CNTN1: variants seen among roughly 807,000 people sequenced by gnomAD.
The protein encoded by CNTN1 is contactin 1.
In CNTN1, 38 loss-of-function variants were observed where a neutral mutation model predicts 126.4. The observed-to-expected ratio is 0.30, with a 90% CI of 0.23 to 0.39. CNTN1 has a LOEUF of 0.39. Among genes scored for constraint, CNTN1 ranks in the 10% least tolerant of loss-of-function variants. The pLI is 1.00. For missense variants in CNTN1, 1,009 were observed against 1,248.4 expected (o/e 0.81, Z 2.89); for synonymous variants, 413 against 422.6 (o/e 0.98, Z 0.28).
chr12:40,824,291 C>G (rs539798907), intron 1 of CNTN1, among the ~76,000 whole-genome samples: 11 of 152,202 alleles, frequency 7.2e-5, no homozygotes, highest in African/African-American at 2.6e-4. Flanking sequence ...CAAAGCTTAT[C>G]ATGTAATGTC....
intron 7 of CNTN1, among the ~76,000 whole-genome samples, chr12:40,931,278 T>C (rs1411141558): frequency 6.6e-6 from 1 of 152,004 alleles, no homozygotes; most frequent in Non-Finnish European, 1.5e-5. Flanking sequence ...ACACTGCCTC[T>C]TCTGCCTTTC....
intron 7 of CNTN1, among the ~76,000 whole-genome samples, chr12:40,931,894 T>C (rs1189877396): frequency 1.3e-5 from 2 of 151,978 alleles, no homozygotes; most frequent in South Asian, 4.1e-4. Context: ...GGAGCCGTCC[T>C]GTTGATTCTG....
intron 17 of CNTN1, among the ~76,000 whole-genome samples, chr12:41,001,155 G>T (rs1948351380): frequency 6.6e-6 from 1 of 152,122 alleles, no homozygotes. Flanking sequence ...TCAGTAATTG[G>T]ATTGCTAGGT....
intron 23 of CNTN1, among the ~76,000 whole-genome samples, chr12:41,059,890 G>A (rs1210340146): frequency 6.6e-6 from 1 of 152,032 alleles, no homozygotes; most frequent in African/African-American, 2.4e-5. Context: ...GCTGGGAATG[G>A]TCATGCATGT....
chr12:40,911,127 C>G (rs1164455760), intron 3 of CNTN1, among the ~76,000 whole-genome samples: 1 of 152,134 alleles, frequency 6.6e-6, no homozygotes, highest in African/African-American at 2.4e-5. Flanking sequence ...GTCACCCAGG[C>G]TGGAGTGCAG....
intron 1 of CNTN1, among the ~76,000 whole-genome samples, chr12:40,823,056 A>T (rs555371341): frequency 3.9e-5 from 6 of 152,220 alleles, no homozygotes; most frequent in African/African-American, 1.4e-4. Context: ...ATTTAAACAC[A>T]TATATGTATG....
At chr12:40,911,415 A>G (rs1251520321) in intron 3 of CNTN1, among the ~76,000 whole-genome samples, 2 of 152,192 alleles carry the variant, frequency 1.3e-5, no homozygotes, top group African/African-American at 4.8e-5. Flanking sequence ...CAGCAAAAGA[A>G]AAATGGGGAA....
At chr12:40,755,003 C>T (rs1938543438) in intron 1 of CNTN1, among the ~76,000 whole-genome samples, 1 of 151,674 alleles carries the variant, frequency 6.6e-6, no homozygotes, top group Admixed American at 6.6e-5. Context: ...TCAGCCTGGA[C>T]AACATAGTGA....
intron 1 of CNTN1, among the ~76,000 whole-genome samples, chr12:40,784,887 C>T (rs909285826): frequency 4.6e-5 from 7 of 152,100 alleles, no homozygotes; most frequent in East Asian, 1.9e-4. Flanking sequence ...AATTCACCTG[C>T]GTGGTCCAAC....
At chr12:40,715,419 A>G (rs1429153032) in intron 1 of CNTN1, among the ~76,000 whole-genome samples, 1 of 151,504 alleles carries the variant, frequency 6.6e-6, no homozygotes, top group Non-Finnish European at 1.5e-5. Context: ...GGATAGCCGC[A>G]TTAGCAGGAT....
intron 1 of CNTN1, among the ~76,000 whole-genome samples, chr12:40,888,963 G>A (rs1000022380): frequency 2.0e-4 from 31 of 152,350 alleles, no homozygotes; most frequent in African/African-American, 7.0e-4. Context: ...ACTCCACAGC[G>A]TCTTGCCAGT....
intron 1 of CNTN1, among the ~76,000 whole-genome samples, chr12:40,770,875 A>G (rs1310213285): frequency 1.3e-5 from 2 of 152,130 alleles, no homozygotes; most frequent in South Asian, 4.1e-4. Flanking sequence ...TAAAATATGA[A>G]GCTATTACAT....
chr12:40,898,052 T>C (rs1944474499), intron 1 of CNTN1, among the ~76,000 whole-genome samples: 1 of 152,186 alleles, frequency 6.6e-6, no homozygotes, highest in African/African-American at 2.4e-5. Context: ...TGCTACTTCC[T>C]CCTGGATCTG....
At chr12:40,820,083 C>G (rs909504195) in intron 1 of CNTN1, among the ~76,000 whole-genome samples, 22 of 152,208 alleles carry the variant, frequency 1.4e-4, no homozygotes, top group African/African-American at 5.3e-4. Context: ...ATGGCACTAG[C>G]AGCTGCATCT....
At chr12:40,712,767 A>G (rs1941954308) in intron 1 of CNTN1, among the ~76,000 whole-genome samples, 1 of 152,170 alleles carries the variant, frequency 6.6e-6, no homozygotes, top group Admixed American at 6.6e-5. Flanking sequence ...TTTTTCTTTT[A>G]AATTTCAGGA....
Position 40,943,719 on chromosome 12 carries a change from T to C in CNTN1, c.1502T>C (p.Ile501Thr). Residue 501 changes from isoleucine to threonine, a missense_variant, in exon 13 of 24, where the codon ATC (isoleucine) becomes ACC (threonine). Physicochemically the swap from Ile to Thr is moderately conservative, Grantham distance 89 (BLOSUM62 -1). Transcript: ENST00000551295. Reference protein sequence around the residue: ...GKANSTGTLVITDPTRIILAP... With the variant: ...GKANSTGTLVTTDPTRIILAP... The stretch of plus-strand genomic sequence containing the variant: ...GCTAATAGCACTGGAACCCTTGTTA[T>C]CACAGGTAAGTTAATGTTTGAGGGT... 6.2e-7 allele frequency: 1 copy of C among 1,612,812 alleles called. No homozygotes were observed. Among genetic ancestry groups the C allele is most frequent in the Non-Finnish European group, 8.5e-7 (1 of 1,179,202 alleles).
chr12:40,941,974 A>G lies in CNTN1; in HGVS notation c.1380-1623A>G, dbSNP rs113255046. 3.0e-3 allele frequency among the ~76,000 whole-genome samples: 450 copies of G among 152,284 alleles called. 3 individuals carry two copies. The highest frequency in any genetic ancestry group is 0.01 in the African/African-American group (421 of 41,584). The stretch of plus-strand genomic sequence containing the variant: ...AGTACCTGAAAGTATAAATGAGACG[A>G]ATGACACATGGAATTATGTATACCC... On this transcript the variant is annotated intron_variant, in intron 12 of 23. Transcript: ENST00000551295.
At chr12:40,990,683 A>T (rs1948077312) in intron 16 of CNTN1, among the ~76,000 whole-genome samples, 1 of 152,182 alleles carries the variant, frequency 6.6e-6, no homozygotes, top group Non-Finnish European at 1.5e-5. Flanking sequence ...ACTCAAAATC[A>T]GTCAATCAAC....
At chr12:40,734,846 G>A (rs949565792) in intron 1 of CNTN1, among the ~76,000 whole-genome samples, 1 of 152,068 alleles carries the variant, frequency 6.6e-6, no homozygotes, top group Non-Finnish European at 1.5e-5. Flanking sequence ...AACCTTGAAG[G>A]AAGAGAAATT....
Sources: gnomAD v4.1 joint callset for allele counts (sites outside exome capture counted in the v4.1 genomes callset) on GRCh38, gnomAD v4.1.1 for gene constraint, MANE v1.5 for transcripts, NCBI Gene and HGNC (gene_info 2026-07-23, HGNC 2026-07-21) for gene names.